Variants in CNTN5 observed in about 807,000 individuals in gnomAD.
CNTN5 encodes the protein contactin-5.
In CNTN5, 77 loss-of-function variants were observed where a neutral mutation model predicts 129.1. The ratio of observed to expected loss-of-function variants is 0.60; its 90% CI spans 0.50 to 0.72. The LOEUF (loss-of-function observed/expected upper bound fraction) is 0.72, where lower values mean the gene tolerates loss of function less well. CNTN5 is among the 30% of genes least tolerant of loss of function. The pLI is 0.00. For missense variants in CNTN5, 1,478 were observed against 1,328.8 expected (o/e 1.11, Z -1.75); for synonymous variants, 509 against 465.6 (o/e 1.09, Z -1.20).
intron 21 of CNTN5, among the ~76,000 whole-genome samples, chr11:100,313,245 G>A (rs1951507839): frequency 6.6e-6 from 1 of 151,978 alleles, no homozygotes; most frequent in South Asian, 2.1e-4. Flanking sequence ...AAAGGTCAGA[G>A]AATTGAAGTT....
At chr11:99,217,689 A>T (rs1310599448) in intron 1 of CNTN5, among the ~76,000 whole-genome samples, 1 of 152,070 alleles carries the variant, frequency 6.6e-6, no homozygotes, top group Non-Finnish European at 1.5e-5. Context: ...TTATTTCAGG[A>T]GAAAATAGAA....
Position 99,795,449 on chromosome 11 carries a change from C to G in CNTN5, c.56-24095C>G, listed in dbSNP as rs144035653. Among the ~76,000 whole-genome samples, 1,236 of 152,218 alleles carry G rather than the reference C, an allele frequency of 8.1e-3. 17 individuals carry two copies. Among genetic ancestry groups the G allele is most frequent in the Middle Eastern group, 0.024 (7 of 294 alleles). ...CAGCCATTTCAGCCTGATTAAGAATCATTTTCTGGGGAACTAGCATGATCA... is the reference window on the plus strand; with the variant it reads ...CAGCCATTTCAGCCTGATTAAGAATGATTTTCTGGGGAACTAGCATGATCA... On this transcript the variant is annotated intron_variant, in intron 3 of 24. Transcript: ENST00000524871.
chr11:99,559,250 G>A (rs907247773), intron 3 of CNTN5, among the ~76,000 whole-genome samples: 11 of 152,098 alleles, frequency 7.2e-5, no homozygotes, highest in Non-Finnish European at 1.6e-4. Context: ...CACATTTTAC[G>A]TTGTTGGTGC....
At chr11:99,326,906 A>T (rs1458932447) in intron 2 of CNTN5, among the ~76,000 whole-genome samples, 2 of 152,196 alleles carry the variant, frequency 1.3e-5, no homozygotes, top group Non-Finnish European at 2.9e-5. Flanking sequence ...TGTTACAATA[A>T]GAATGATTTA....
In CNTN5 at chr11:99,940,387, A is replaced by C. The variant is rs557114528; in HGVS notation, c.674-16419A>C. Among the ~76,000 whole-genome samples, 3 of 152,286 alleles carry C rather than the reference A, an allele frequency of 2.0e-5. No individual in the cohort carries two copies. The East Asian group carries it at 5.8e-4, about 29-fold the overall frequency. On this transcript the variant is annotated intron_variant, in intron 7 of 24. Transcript: ENST00000524871. ...CAATAAACTAATGAACTAAAGTAAA[A>C]CTGGAAAGAAGGCATAGACCATGAG...
intron 15 of CNTN5, among the ~76,000 whole-genome samples, chr11:100,203,579 C>A (rs1369387757): frequency 6.6e-6 from 1 of 151,900 alleles, no homozygotes; most frequent in Non-Finnish European, 1.5e-5. Context: ...TTTCTTTACT[C>A]CCATATATCC....
At chr11:99,910,865 A>T (rs1050451684) in intron 6 of CNTN5, among the ~76,000 whole-genome samples, 1 of 152,106 alleles carries the variant, frequency 6.6e-6, no homozygotes, top group African/African-American at 2.4e-5. Flanking sequence ...ATGCAAAAAA[A>T]TTTACAGTGA....
chr11:99,356,960 G>C (rs1442917854), intron 2 of CNTN5, among the ~76,000 whole-genome samples: 1 of 152,124 alleles, frequency 6.6e-6, no homozygotes, highest in Non-Finnish European at 1.5e-5. Flanking sequence ...ATAACACCAA[G>C]TGTCATGATT....
intron 9 of CNTN5, among the ~76,000 whole-genome samples, chr11:100,049,585 C>T (rs1942852682): frequency 1.3e-5 from 2 of 152,052 alleles, no homozygotes; most frequent in African/African-American, 2.4e-5. Context: ...AGGTTGAAAA[C>T]ACCAAAAGCA....
intron 8 of CNTN5, among the ~76,000 whole-genome samples, chr11:100,001,501 A>G (rs1376178168): frequency 2.6e-5 from 4 of 152,176 alleles, no homozygotes; most frequent in African/African-American, 4.8e-5. Flanking sequence ...TCATTACAGT[A>G]ATTTGATAGA....
chr11:99,272,793 C>T (rs1427013803), intron 1 of CNTN5, among the ~76,000 whole-genome samples: 1 of 151,798 alleles, frequency 6.6e-6, no homozygotes, highest in Non-Finnish European at 1.5e-5. Context: ...TCCACATACA[C>T]ATTTAGTTTT....
At chr11:99,837,684 TA>T (rs34378760) in intron 4 of CNTN5, among the ~76,000 whole-genome samples, 9,478 of 112,534 alleles carry the variant, frequency 0.084, 434 homozygotes, top group African/African-American at 0.18. Flanking sequence ...CACACATGAG[TA>T]AAAAAAAAAA....
chr11:99,520,666 G>T (rs1421869408), intron 2 of CNTN5, among the ~76,000 whole-genome samples: 1 of 152,070 alleles, frequency 6.6e-6, no homozygotes, highest in Non-Finnish European at 1.5e-5. Context: ...TGGGGTAAAG[G>T]ACATGAGGGA....
At chr11:99,468,658 T>C (rs1483475334) in intron 2 of CNTN5, among the ~76,000 whole-genome samples, 1 of 151,830 alleles carries the variant, frequency 6.6e-6, no homozygotes, top group African/African-American at 2.4e-5. Flanking sequence ...TTTCACCTTT[T>C]TTTTTTTTGG....
chr11:100,312,801 A>C (rs1158943394), intron 21 of CNTN5, among the ~76,000 whole-genome samples: 1 of 152,118 alleles, frequency 6.6e-6, no homozygotes, highest in Non-Finnish European at 1.5e-5. Flanking sequence ...CTTTGAAACT[A>C]GAGAAGACAG....
intron 1 of CNTN5, among the ~76,000 whole-genome samples, chr11:99,189,268 C>A (rs567436707): frequency 6.6e-6 from 1 of 151,612 alleles, no homozygotes; most frequent in African/African-American, 2.4e-5. Context: ...TATATTTATA[C>A]TACATTTCTG....
chr11:99,181,141 T>A (rs1858038485), intron 1 of CNTN5, among the ~76,000 whole-genome samples: 1 of 152,090 alleles, frequency 6.6e-6, no homozygotes, highest in African/African-American at 2.4e-5. Context: ...ATCAGTGATG[T>A]TTGTAAGCAT....
At chr11:99,417,266 A>G (rs899050040) in intron 2 of CNTN5, among the ~76,000 whole-genome samples, 2 of 152,190 alleles carry the variant, frequency 1.3e-5, no homozygotes, top group African/African-American at 4.8e-5. Flanking sequence ...TAATATGTAG[A>G]TTAAACACAC....
At chr11:99,340,628 G>T (rs952199926) in intron 2 of CNTN5, among the ~76,000 whole-genome samples, 5 of 152,164 alleles carry the variant, frequency 3.3e-5, no homozygotes, top group African/African-American at 1.2e-4. Context: ...TTTTGCAATG[G>T]CGTAGAAGTT....
Sources: allele counts gnomAD v4.1 joint callset (sites outside exome capture counted in the v4.1 genomes callset), GRCh38; gene constraint gnomAD v4.1.1; transcripts MANE v1.5; gene names NCBI Gene and HGNC (gene_info 2026-07-23, HGNC 2026-07-21).